The following GAK variants were observed in gnomAD, a reference collection of about 807,000 sequenced individuals.
GAK encodes the protein cyclin G associated kinase.
Under a neutral mutation model 143.9 loss-of-function variants are expected in GAK, and 79 were observed. That is an observed-to-expected ratio of 0.55 (90% CI 0.46 to 0.66). GAK has a LOEUF of 0.66. GAK is among the 30% of genes least tolerant of loss of function. GAK has a pLI of 0.00. For missense variants in GAK, 1,693 were observed against 1,779.7 expected (o/e 0.95, Z 0.88); for synonymous variants, 881 against 765.5 (o/e 1.15, Z -2.49).
At chr4:919,917 G>C (rs1317917046) in intron 1 of GAK, among the ~76,000 whole-genome samples, 1 of 152,260 alleles carries the variant, frequency 6.6e-6, no homozygotes, top group African/African-American at 2.4e-5. Flanking sequence ...TAGGGAGGCT[G>C]AGGCAGGAGG....
At chr4:858,713 A>G (rs1749725869) in intron 24 of GAK, among the ~76,000 whole-genome samples, 1 of 152,236 alleles carries the variant, frequency 6.6e-6, no homozygotes, top group African/African-American at 2.4e-5. Context: ...GCAAGAGCAG[A>G]GTGAGGACTC....
At chr4:902,163 A>C (rs1281574538) in intron 5 of GAK, among the ~76,000 whole-genome samples, 1 of 151,602 alleles carries the variant, frequency 6.6e-6, no homozygotes, top group Non-Finnish European at 1.5e-5. Flanking sequence ...GCTGGAACCC[A>C]GGAGGCAGAG....
intron 2 of GAK, among the ~76,000 whole-genome samples, chr4:913,190 C>A (rs1722344236): frequency 6.6e-6 from 1 of 152,254 alleles, no homozygotes; most frequent in African/African-American, 2.4e-5. Context: ...GCAAATGGGG[C>A]CTTCTTACGT....
intron 11 of GAK, 155 bp from the exon 12 acceptor site, chr4:884,241 G>C (rs1715785196): frequency 3.2e-6 from 2 of 626,066 alleles, no homozygotes; most frequent in Non-Finnish European, 5.7e-6. Flanking sequence ...AGGCGTGTGG[G>C]CAGCTTCCCG....
intron 9 of GAK, among the ~76,000 whole-genome samples, chr4:892,248 G>T (rs1393631628): frequency 6.6e-6 from 1 of 152,206 alleles, no homozygotes; most frequent in African/African-American, 2.4e-5. Flanking sequence ...CTACCAGGGA[G>T]TGGAAACGAC....
intron 9 of GAK, among the ~76,000 whole-genome samples, chr4:892,616 T>C (rs1346393545): frequency 6.6e-6 from 1 of 152,080 alleles, no homozygotes; most frequent in Non-Finnish European, 1.5e-5. Context: ...CAGCCACCGG[T>C]GCCTGGGAGT....
At chr4:883,218 C>G in intron 13 of GAK, 97 bp downstream of exon 13, 2 of 1,456,608 alleles carry the variant, frequency 1.4e-6, no homozygotes. Context: ...CCGCCCCCAT[C>G]ACAGCCCCAC....
chr4:890,946 ATTTT>A (rs35262185), intron 9 of GAK, among the ~76,000 whole-genome samples: 1 of 131,984 alleles, frequency 7.6e-6, no homozygotes, highest in Non-Finnish European at 1.6e-5. Context: ...TCCAACCAAC[ATTTT>A]TTTTTTTTTT....
chr4:926,269 T>C (rs958415110), intron 1 of GAK, among the ~76,000 whole-genome samples: 7 of 152,206 alleles, frequency 4.6e-5, no homozygotes, highest in African/African-American at 1.7e-4. Flanking sequence ...CACAGGCTTG[T>C]TCCTGCCAAG....
rs558795384 is a variant in GAK at position 888,737 on chromosome 4, C to T, written c.1205+110G>A. 8.6e-5 allele frequency: 119 copies of T among 1,377,500 alleles called. 1 individual carries two copies. The South Asian group carries it at 1.5e-3, about 18-fold the overall frequency. 85.3% of individuals were successfully genotyped at this position (1,377,500 alleles called of 1,614,324 possible). ...ATGCTGTCCCACTGCCTCAGGGGCC[C>T]CTGTGGGGCCTGATGACCAGCTGTT... is the stretch of plus-strand genomic sequence containing the variant. On this transcript the variant is annotated intron_variant, in intron 11 of 27. Transcript: ENST00000314167.
chr4:896,700 C>T (rs1306518488), intron 6 of GAK, 151 bp from the exon 7 acceptor site: 11 of 672,610 alleles, frequency 1.6e-5, no homozygotes, highest in Admixed American at 8.5e-5. Flanking sequence ...TCAGGCCAGT[C>T]GGCCCCATGC....
At chr4:924,956 C>T (rs1724481061) in intron 1 of GAK, among the ~76,000 whole-genome samples, 1 of 151,960 alleles carries the variant, frequency 6.6e-6, no homozygotes, top group Non-Finnish European at 1.5e-5. Context: ...CTGATTGGGT[C>T]ATGGGGGTGG....
intron 11 of GAK, among the ~76,000 whole-genome samples, chr4:884,899 C>A (rs1577159006): frequency 6.6e-6 from 1 of 152,180 alleles, no homozygotes; most frequent in African/African-American, 2.4e-5. Flanking sequence ...GGATAAAGGT[C>A]CAGAGAGATG....
chr4:865,144 C>T lies in GAK; in HGVS notation c.3144G>A (p.Val1048=), dbSNP rs1022710858. The change falls in exon 23 of 28, where the codon GTG becomes GTA. Residue 1048 remains valine (V), a synonymous_variant. Transcript: ENST00000314167. ...TACCTTCTGTGGCTGGCGTGGGGGC[C>T]ACTGCCGATGCTGCAGTCTCGGTCC... ...AAWTETAASA[V]APTPATEGPL... 1 of 1,610,402 alleles carries T rather than the reference C, an allele frequency of 6.2e-7. No individual in the cohort carries two copies.
At position 898,194 on chromosome 4, in the gene GAK, C is replaced by T. The variant is rs1198706269; in HGVS notation, c.526-36G>A. 6.2e-6 allele frequency: 10 copies of T among 1,608,942 alleles called. No individual in the cohort carries two copies. The East Asian group carries it at 6.7e-5, about 11-fold the overall frequency. On this transcript the variant is annotated intron_variant, in intron 5 of 27. Coordinates refer to ENST00000314167, the MANE Select transcript of GAK (RefSeq NM_005255.4). ...CCACAAGACAGCCCCGTGAACTTGG[C>T]GTAGACAGAGATGGGACTTCAGGGA...
intron 20 of GAK, 42 bp from the exon 21 acceptor site, chr4:867,474 G>A (rs1304066907): frequency 2.1e-6 from 3 of 1,448,286 alleles, no homozygotes; most frequent in African/African-American, 1.4e-5. Context: ...GAGACCACAC[G>A]GCCAGCACCA....
chr4:870,312 C>T (rs979876296), intron 19 of GAK, among the ~76,000 whole-genome samples: 3 of 152,288 alleles, frequency 2.0e-5, no homozygotes, highest in South Asian at 4.1e-4. Flanking sequence ...AAGTGAAGAG[C>T]GACAGGAGCG....
chr4:882,858 GC>G, intron 13 of GAK, 39 bp from the exon 14 acceptor site: 1 of 1,596,432 alleles, frequency 6.3e-7, no homozygotes. Flanking sequence ...CGGCAGAGGA[GC>G]CCCGCCCCAG....
chr4:882,687 T>G lies in GAK; in HGVS notation c.1527+10A>C, dbSNP rs1400263245. On this transcript the variant is annotated intron_variant, in intron 14 of 27. Transcript: ENST00000314167. ...AGAAGACGGCGCCAGCCCACGGCCC[T>G]CGAGCTCACCATGCAGTGCACGACG... is the stretch of plus-strand genomic sequence containing the variant. 6.2e-7 allele frequency: 1 copy of G among 1,610,480 alleles called. No homozygotes were observed. Among genetic ancestry groups the G allele is most frequent in the Non-Finnish European group, 8.5e-7 (1 of 1,179,856 alleles).
Sources: allele counts gnomAD v4.1 joint callset (sites outside exome capture counted in the v4.1 genomes callset), GRCh38; gene constraint gnomAD v4.1.1; transcripts MANE v1.5; gene names NCBI Gene and HGNC (gene_info 2026-07-23, HGNC 2026-07-21).